TRIM4: variants seen among roughly 807,000 people sequenced by gnomAD.
TRIM4 encodes the protein E3 ubiquitin-protein ligase TRIM4.
A neutral mutation model predicts 33.7 loss-of-function variants in TRIM4; 29 were observed. That is an observed-to-expected ratio of 0.86 (90% CI 0.64 to 1.17). The LOEUF (loss-of-function observed/expected upper bound fraction) is 1.17, where lower values mean the gene tolerates loss of function less well. Among genes scored for constraint, TRIM4 ranks in the 50% most tolerant of loss-of-function variants. The pLI, the probability that TRIM4 is intolerant of heterozygous loss-of-function variation, is 0.00. For synonymous variants in TRIM4, 224 were observed against 233.0 expected (o/e 0.96, Z 0.35); for missense variants, 554 against 593.7 (o/e 0.93, Z 0.69).
At chr7:99,913,737 C>T (rs1313300306) in intron 1 of TRIM4, among the ~76,000 whole-genome samples, 1 of 151,976 alleles carries the variant, frequency 6.6e-6, no homozygotes, top group Non-Finnish European at 1.5e-5. Flanking sequence ...CTTAATTTAG[C>T]ACCAGAAAAT....
chr7:99,895,570 A>T (rs1341173801), intron 5 of TRIM4, among the ~76,000 whole-genome samples: 3 of 152,224 alleles, frequency 2.0e-5, no homozygotes, highest in African/African-American at 4.8e-5. Flanking sequence ...TTGATTGATA[A>T]TATTATTCAA....
chr7:99,895,518 T>C (rs1353442989), intron 5 of TRIM4, among the ~76,000 whole-genome samples: 2 of 152,240 alleles, frequency 1.3e-5, no homozygotes, highest in African/African-American at 4.8e-5. Context: ...ATATGTAGTA[T>C]ATAGCTGTTG....
chr7:99,893,353 A>T (rs1818940562), intron 5 of TRIM4, among the ~76,000 whole-genome samples: 1 of 91,984 alleles, frequency 1.1e-5, no homozygotes, highest in Admixed American at 8.7e-5. Context: ...ATTTGGAGAG[A>T]TATTAACAAA....
At chr7:99,915,648 T>C (rs567498523) in intron 1 of TRIM4, among the ~76,000 whole-genome samples, 10 of 152,188 alleles carry the variant, frequency 6.6e-5, no homozygotes, top group African/African-American at 2.4e-4. Context: ...GGGGTGGGGA[T>C]GGAATGAAAG....
chr7:99,907,762 C>T (rs964984169), intron 3 of TRIM4, among the ~76,000 whole-genome samples: 6 of 151,932 alleles, frequency 3.9e-5, no homozygotes, highest in African/African-American at 1.5e-4. Context: ...AAGAGTAGAA[C>T]AGAATGTTGT....
intron 1 of TRIM4, among the ~76,000 whole-genome samples, chr7:99,910,807 A>C (rs1195645976): frequency 6.6e-6 from 1 of 152,242 alleles, no homozygotes; most frequent in African/African-American, 2.4e-5. Flanking sequence ...CAACATTGAC[A>C]AATTGGGCTG....
At chr7:99,894,690 AAAAG>A (rs528845380) in intron 5 of TRIM4, among the ~76,000 whole-genome samples, 4 of 151,236 alleles carry the variant, frequency 2.6e-5, no homozygotes, top group Admixed American at 6.6e-5. Context: ...AAAAGAAAAG[AAAAG>A]AAAGAAAAGA....
At chr7:99,905,104 T>C (rs1394802881) in intron 3 of TRIM4, among the ~76,000 whole-genome samples, 2 of 151,726 alleles carry the variant, frequency 1.3e-5, no homozygotes, top group Non-Finnish European at 2.9e-5. Flanking sequence ...TATATATATA[T>C]CCATATACCT....
chr7:99,909,215 G>T (rs1193194743), intron 2 of TRIM4, among the ~76,000 whole-genome samples: 3 of 151,406 alleles, frequency 2.0e-5, no homozygotes, highest in Non-Finnish European at 2.9e-5. Context: ...GGCCCAAACC[G>T]ACTCTAACCT....
intron 5 of TRIM4, chr7:99,902,032 A>G (rs1247006189): frequency 2.9e-5 from 21 of 734,192 alleles, no homozygotes; most frequent in Non-Finnish European, 2.5e-6. Flanking sequence ...TCCCTCAGGC[A>G]GAGGGTAGGG....
intron 5 of TRIM4, chr7:99,902,271 G>C (rs1347517778): frequency 1.9e-5 from 13 of 699,246 alleles, no homozygotes; most frequent in Admixed American, 2.0e-5. Flanking sequence ...TTTTGAGACA[G>C]AGTCTCACTC....
chr7:99,902,870 C>A (rs1381807773), intron 5 of TRIM4, among the ~76,000 whole-genome samples: 1 of 151,896 alleles, frequency 6.6e-6, no homozygotes, highest in Non-Finnish European at 1.5e-5. Context: ...AAAACTTTCC[C>A]ATCTCGCCCC....
At chr7:99,910,735 G>A (rs1403392217) in intron 1 of TRIM4, among the ~76,000 whole-genome samples, 1 of 152,152 alleles carries the variant, frequency 6.6e-6, no homozygotes, top group Non-Finnish European at 1.5e-5. Flanking sequence ...TCTACAAGTG[G>A]CATATGCCAT....
chr7:99,910,331 T>C (rs2151650140), intron 1 of TRIM4, among the ~76,000 whole-genome samples: 1 of 152,324 alleles, frequency 6.6e-6, no homozygotes, highest in African/African-American at 2.4e-5. Flanking sequence ...CTTCTAATAA[T>C]CTATGCAACA....
chr7:99,896,274 A>T (rs1283445984), intron 5 of TRIM4, among the ~76,000 whole-genome samples: 2 of 152,174 alleles, frequency 1.3e-5, no homozygotes, highest in Non-Finnish European at 2.9e-5. Context: ...GTGGGTTCAC[A>T]CTTCCAAGCT....
chr7:99,908,837 C>T (rs765941379), intron 2 of TRIM4, 25 bp from the exon 3 acceptor site: 2 of 1,596,720 alleles, frequency 1.3e-6, no homozygotes, highest in Non-Finnish European at 1.7e-6. Context: ...GATTTGCTCA[C>T]TCCTTTTTCT....
intron 3 of TRIM4, among the ~76,000 whole-genome samples, chr7:99,904,966 A>T (rs779833401): frequency 6.6e-6 from 1 of 152,068 alleles, no homozygotes; most frequent in African/African-American, 2.4e-5. Context: ...TGGGGGGCGA[A>T]GTTGCAGTAA....
chr7:99,892,810 CATCTTTTCCAGCATCA>C, intron 5 of TRIM4, 64 bp from the exon 6 acceptor site: 1 of 1,348,682 alleles, frequency 7.4e-7, no homozygotes, highest in Non-Finnish European at 1.0e-6. Context: ...CAGAAATGCC[CATCTTTTCCAGCATCA>C]GTTTCATCTT....
chr7:99,903,710 A>T (rs1268175193), intron 3 of TRIM4, 112 bp from the exon 4 acceptor site: 2 of 1,206,708 alleles, frequency 1.7e-6, no homozygotes, highest in African/African-American at 3.0e-5. Flanking sequence ...GTCACATATG[A>T]TCTCCTGCTG....
Sources: gnomAD v4.1 joint callset for allele counts (sites outside exome capture counted in the v4.1 genomes callset) on GRCh38, gnomAD v4.1.1 for gene constraint, MANE v1.5 for transcripts, NCBI Gene and HGNC (gene_info 2026-07-23, HGNC 2026-07-21) for gene names.